POC1A: variants seen among roughly 807,000 people sequenced by gnomAD.
POC1A encodes the protein POC1 centriolar protein A.
Under a neutral mutation model 47.8 loss-of-function variants are expected in POC1A, and 34 were observed. That is an observed-to-expected ratio of 0.71 (90% CI 0.54 to 0.95). The LOEUF is 0.95. POC1A is among the 40% of genes least tolerant of loss of function. The pLI is 0.00. For missense variants in POC1A, 466 were observed against 528.3 expected, an observed-to-expected ratio of 0.88 and a Z score of 1.16; for synonymous variants, 177 against 207.6, an observed-to-expected ratio of 0.85 and a Z score of 1.27.
intron 10 of POC1A, among the ~76,000 whole-genome samples, chr3:52,086,170 T>A (rs1383789165): frequency 6.6e-6 from 1 of 152,110 alleles, no homozygotes; most frequent in Non-Finnish European, 1.5e-5. Flanking sequence ...AGGAGCCAGA[T>A]AACTGGGCCA....
chr3:52,127,173 C>T (rs1274273871), intron 7 of POC1A, among the ~76,000 whole-genome samples: 2 of 152,136 alleles, frequency 1.3e-5, no homozygotes, highest in Non-Finnish European at 2.9e-5. Context: ...AGAAACAATG[C>T]CCAATAACAT....
At position 52,133,884 on chromosome 3, in the gene POC1A, C is replaced by T. The variant is rs558281139; in HGVS notation, c.813+4285G>A. 4.3e-4 allele frequency among the ~76,000 whole-genome samples: 66 copies of T among 152,352 alleles called. 2 individuals carry two copies. In the South Asian group the frequency reaches 0.013, roughly 31 times the overall value. On this transcript the variant is annotated intron_variant, in intron 7 of 10. Coordinates refer to ENST00000296484, the MANE Select transcript of POC1A (RefSeq NM_015426.5). ...TGACCTCACTGCTGCTCACCCCCAGCCTGCACTGTCCACTTCTCAGATGCA... is the reference window on the plus strand; with the variant it reads ...TGACCTCACTGCTGCTCACCCCCAGTCTGCACTGTCCACTTCTCAGATGCA...
intron 10 of POC1A, among the ~76,000 whole-genome samples, chr3:52,094,302 C>T (rs567786060): frequency 1.5e-4 from 23 of 152,304 alleles, no homozygotes; most frequent in African/African-American, 3.4e-4. Context: ...CTGAACAAGC[C>T]GCTTGGGAAG....
At chr3:52,078,880 C>A (rs1350160814) in intron 10 of POC1A, among the ~76,000 whole-genome samples, 1 of 152,218 alleles carries the variant, frequency 6.6e-6, no homozygotes, top group African/African-American at 2.4e-5. Flanking sequence ...TGGAAATGCC[C>A]CACTGGGCAT....
chr3:52,140,362 C>A (rs904631910), intron 6 of POC1A, among the ~76,000 whole-genome samples: 1 of 152,122 alleles, frequency 6.6e-6, no homozygotes, highest in Non-Finnish European at 1.5e-5. Flanking sequence ...ATTCAGAGAC[C>A]CCCCCACCAG....
intron 10 of POC1A, among the ~76,000 whole-genome samples, chr3:52,089,415 G>A (rs1363639866): frequency 6.6e-6 from 1 of 152,126 alleles, no homozygotes; most frequent in Non-Finnish European, 1.5e-5. Context: ...CTTAACAGAA[G>A]GAAAACAAGC....
chr3:52,101,151 G>A (rs1406106572), intron 9 of POC1A, among the ~76,000 whole-genome samples: 3 of 151,642 alleles, frequency 2.0e-5, no homozygotes, highest in Non-Finnish European at 4.4e-5. Flanking sequence ...CCTATCTAGG[G>A]AGGAGGGCCA....
chr3:52,127,706 T>C (rs1296610396), intron 7 of POC1A, among the ~76,000 whole-genome samples: 1 of 151,748 alleles, frequency 6.6e-6, no homozygotes, highest in East Asian at 1.9e-4. Flanking sequence ...AACCTTTTTT[T>C]TTTTTTTGAG....
At chr3:52,144,742 G>T (rs912057001) in intron 6 of POC1A, among the ~76,000 whole-genome samples, 1 of 152,192 alleles carries the variant, frequency 6.6e-6, no homozygotes, top group East Asian at 1.9e-4. Context: ...CAGCTGCAGA[G>T]CCCACTCTCC....
chr3:52,089,431 G>A (rs1702570921), intron 10 of POC1A, among the ~76,000 whole-genome samples: 1 of 152,114 alleles, frequency 6.6e-6, no homozygotes, highest in South Asian at 2.1e-4. Context: ...CAAGCCTCTT[G>A]TTTCCAAACC....
rs373699959 is a variant in POC1A at position 52,112,149 on chromosome 3, T to C, written c.981+10230A>G. On this transcript the variant is annotated intron_variant, in intron 9 of 10. Transcript: ENST00000296484. ...GGGCCCACGGGGCAGCACTGGACTT[T>C]CTTTCTTGCTTTCCTTCTTTTTGAG... Among the ~76,000 whole-genome samples, 59 of 152,314 alleles carry C rather than the reference T, an allele frequency of 3.9e-4. No homozygotes were observed. The East Asian group carries it at 9.6e-3, about 25-fold the overall frequency.
chr3:52,112,266 G>A (rs553101064), intron 9 of POC1A, among the ~76,000 whole-genome samples: 175 of 152,270 alleles, frequency 1.1e-3, no homozygotes, highest in African/African-American at 4.0e-3. Flanking sequence ...CAATTCTCCC[G>A]CCTCAGCCCT....
chr3:52,109,945 A>G (rs186735081), intron 9 of POC1A, among the ~76,000 whole-genome samples: 17 of 152,238 alleles, frequency 1.1e-4, no homozygotes, highest in Admixed American at 3.3e-4. Context: ...TAATCTAGGC[A>G]TGCAGACTCT....
At chr3:52,080,406 G>A (rs1702243254) in intron 10 of POC1A, among the ~76,000 whole-genome samples, 1 of 152,140 alleles carries the variant, frequency 6.6e-6, no homozygotes, top group Non-Finnish European at 1.5e-5. Context: ...CTGCTGTCCT[G>A]GTTTAGGCTG....
chr3:52,135,831 C>T (rs894812911), intron 7 of POC1A, among the ~76,000 whole-genome samples: 1 of 152,188 alleles, frequency 6.6e-6, no homozygotes, highest in Non-Finnish European at 1.5e-5. Flanking sequence ...AGGCAGCAAC[C>T]CCACAGTGCA....
intron 3 of POC1A, 113 bp downstream of exon 3, chr3:52,149,703 G>A: frequency 2.0e-6 from 2 of 1,016,468 alleles, no homozygotes; most frequent in Non-Finnish European, 2.9e-6. Context: ...TTCCAAAGCA[G>A]AGTAGAAGTC....
chr3:52,113,560 G>A (rs1029517541), intron 9 of POC1A, among the ~76,000 whole-genome samples: 3 of 152,154 alleles, frequency 2.0e-5, no homozygotes, highest in South Asian at 2.1e-4. Context: ...AAAGTTCGCC[G>A]GTGTGGTGGT....
In POC1A at chr3:52,147,095, C is replaced by A. The variant is rs62261067; in HGVS notation, c.456G>T (p.Lys152Asn). Reference sequence around the variant, plus strand: ...CGATGAGCCGCCCGTCGGGGGAGAACCTGAACCGGGTGGGGCACAAGTCAC... The same window carrying A: ...CGATGAGCCGCCCGTCGGGGGAGAAACTGAACCGGGTGGGGCACAAGTCAC... ...SQHINWVRCAKFSPDGRLIVS... is the reference protein window; with the variant it reads ...SQHINWVRCANFSPDGRLIVS... The change falls in exon 5 of 11, where the codon AAG becomes AAT. Residue 152 changes from lysine (K) to asparagine (N), a missense_variant and splice_region_variant. Physicochemically the swap from Lys to Asn is moderately conservative, Grantham distance 94. Coordinates refer to ENST00000296484, the MANE Select transcript of POC1A (RefSeq NM_015426.5). 5.6e-6 allele frequency: 9 copies of A among 1,612,682 alleles called. 1 individual carries two copies. The Admixed American group carries it at 8.3e-5, about 15-fold the overall frequency.
At chr3:52,149,767 G>T in intron 3 of POC1A, 49 bp downstream of exon 3, 2 of 1,565,558 alleles carry the variant, frequency 1.3e-6, no homozygotes, top group Non-Finnish European at 1.7e-6. Flanking sequence ...GATGGCTCTG[G>T]CACCAGGGCC....
Sources: allele counts gnomAD v4.1 joint callset (sites outside exome capture counted in the v4.1 genomes callset), GRCh38; gene constraint gnomAD v4.1.1; transcripts MANE v1.5; gene names NCBI Gene and HGNC (gene_info 2026-07-23, HGNC 2026-07-21).